SLC26A11: variants seen among roughly 807,000 people sequenced by gnomAD.
The protein encoded by SLC26A11 is solute carrier family 26 member 11.
SLC26A11 carries 58 observed loss-of-function variants against 62.2 expected under a neutral mutation model. That is an observed-to-expected ratio of 0.93 (90% CI 0.76 to 1.16). The LOEUF is 1.16. Among genes scored for constraint, SLC26A11 ranks in the 50% most tolerant of loss-of-function variants. The pLI, the probability that SLC26A11 is intolerant of heterozygous loss-of-function variation, is 0.00. For missense variants in SLC26A11, 790 were observed against 794.3 expected, an observed-to-expected ratio of 0.99 and a Z score of 0.06; for synonymous variants, 411 against 368.9, an observed-to-expected ratio of 1.11 and a Z score of -1.31.
intron 7 of SLC26A11, among the ~76,000 whole-genome samples, chr17:80,229,464 C>T (rs1347953250): frequency 6.6e-6 from 1 of 151,862 alleles, no homozygotes. Context: ...CGGTGTCTCA[C>T]TCTGTTGCCC....
chr17:80,243,693 G>A (rs754555477), intron 10 of SLC26A11, among the ~76,000 whole-genome samples: 1 of 152,136 alleles, frequency 6.6e-6, no homozygotes, highest in Non-Finnish European at 1.5e-5. Flanking sequence ...CACAGCCCCT[G>A]GCCCTATTCC....
At chr17:80,233,434 C>A (rs974917338) in intron 7 of SLC26A11, among the ~76,000 whole-genome samples, 1 of 152,128 alleles carries the variant, frequency 6.6e-6, no homozygotes, top group Admixed American at 6.5e-5. Flanking sequence ...CCTGCAGGAA[C>A]AGTCTTAGAT....
intron 5 of SLC26A11, among the ~76,000 whole-genome samples, chr17:80,224,327 A>G (rs1323081007): frequency 1.2e-4 from 15 of 126,910 alleles, no homozygotes; most frequent in South Asian, 7.7e-4. Context: ...GTGAGTGTGT[A>G]TGAGTGAGAG....
rs1050630058 is a variant in SLC26A11 at position 80,220,995 on chromosome 17, C to CG, written c.-134_-133insG. ...TGGCCTCAGGAGCGGAGGACCCCCCCACTCTCCCTCGAGCGCCGCAGTCCA... is the reference window on the plus strand; with the variant it reads ...TGGCCTCAGGAGCGGAGGACCCCCCCGACTCTCCCTCGAGCGCCGCAGTCCA... On this transcript the variant is annotated 5_prime_UTR_variant, in exon 2 of 18. Coordinates refer to ENST00000361193, the MANE Select transcript of SLC26A11 (RefSeq NM_001166347.2). 6.5e-6 allele frequency: 1 copy of CG among 152,858 alleles called. No individual in the cohort carries two copies. Among genetic ancestry groups the CG allele is most frequent in the Non-Finnish European group, 1.5e-5 (1 of 68,552 alleles). The allele number at this position is 152,858 out of a possible 1,614,324, so 9.5% of individuals were successfully genotyped here.
At chr17:80,244,235 G>C (rs999651559) in intron 10 of SLC26A11, among the ~76,000 whole-genome samples, 8 of 152,222 alleles carry the variant, frequency 5.3e-5, no homozygotes, top group African/African-American at 1.9e-4. Context: ...GTCAACCTGA[G>C]CAGTGATCCC....
intron 7 of SLC26A11, among the ~76,000 whole-genome samples, chr17:80,233,898 T>C (rs912515102): frequency 3.3e-5 from 5 of 152,188 alleles, no homozygotes; most frequent in African/African-American, 9.6e-5. Context: ...TTTCGACTTT[T>C]GTATGTCTGA....
Position 80,247,318 on chromosome 17 carries a change from C to T in SLC26A11, c.1294+669C>T, listed in dbSNP as rs189064597. Reference sequence around the variant, plus strand: ...TTCCCCCCTTTCTATTCCACAAAACCGCCATTGTCATCATGGCGCGTTCTC... The same window carrying T: ...TTCCCCCCTTTCTATTCCACAAAACTGCCATTGTCATCATGGCGCGTTCTC... On this transcript the variant is annotated intron_variant, in intron 13 of 17. Transcript: ENST00000361193. Among the ~76,000 whole-genome samples, 481 of 152,220 alleles carry T rather than the reference C, an allele frequency of 3.2e-3. 2 individuals carry two copies. The highest frequency in any genetic ancestry group is 5.6e-3 in the Non-Finnish European group (384 of 68,022).
At chr17:80,240,133 C>T (rs572801406) in intron 9 of SLC26A11, among the ~76,000 whole-genome samples, 3 of 152,168 alleles carry the variant, frequency 2.0e-5, no homozygotes, top group South Asian at 2.1e-4. Flanking sequence ...TTTGGGAGGC[C>T]GAGGCGGGTG....
intron 5 of SLC26A11, among the ~76,000 whole-genome samples, chr17:80,225,185 G>A (rs927560773): frequency 2.8e-5 from 4 of 143,302 alleles, no homozygotes; most frequent in African/African-American, 1.0e-4. Flanking sequence ...CCAACCCCCC[G>A]CCGCTCTCTA....
chr17:80,230,749 A>G (rs2042543359), intron 7 of SLC26A11, among the ~76,000 whole-genome samples: 1 of 152,220 alleles, frequency 6.6e-6, no homozygotes. Flanking sequence ...AGAAACATTT[A>G]CAGTGTAGGG....
At position 80,252,845 on chromosome 17, in the gene SLC26A11, G is replaced by A. The variant is rs2043187601; in HGVS notation, c.*129G>A. 1.3e-6 allele frequency: 1 copy of A among 749,894 alleles called. No individual in the cohort carries two copies. Among genetic ancestry groups the A allele is most frequent in the Admixed American group, 2.9e-5 (1 of 34,914 alleles). The allele number at this position is 749,894 out of a possible 1,614,324, so 46.5% of individuals were successfully genotyped here. A position where few individuals can be genotyped will look rare whatever the true frequency, so the allele number is the denominator to read the frequency against. On this transcript the variant is annotated 3_prime_UTR_variant, in exon 18 of 18. Transcript: ENST00000361193. This position sits in a 1 kb window ranked among gnomAD's most constrained non-coding sequence, Gnocchi z 5.2. ...AGAAACCCCTGAGCAGGTAACCCAGGGAAGAGAAGGAAGCCAGGCCTGGAG... is the reference window on the plus strand; with the variant it reads ...AGAAACCCCTGAGCAGGTAACCCAGAGAAGAGAAGGAAGCCAGGCCTGGAG...
chr17:80,248,734 C>T (rs79344544), intron 15 of SLC26A11, 60 bp downstream of exon 15: 54,951 of 1,480,856 alleles, frequency 0.037, 1,406 homozygotes, highest in African/African-American at 0.13. Flanking sequence ...CCCCCCACTC[C>T]CTGCTGTTCA....
rs11871932 is a variant in SLC26A11 at position 80,248,265 on chromosome 17, T to G, written c.1422+8T>G. ...GCCAGGCCTGAGACCAAGGTACCCC[T>G]CCGTGGCCTCTGAGTGGGGAGTGTG... On this transcript the variant is annotated splice_region_variant and intron_variant, in intron 14 of 17. Transcript: ENST00000361193. The G allele has an allele frequency of 0.1, 164,190 of 1,604,680 alleles. 10,227 individuals are homozygous for G. The highest frequency in any genetic ancestry group is 0.28 in the African/African-American group (21,256 of 74,876).
intron 5 of SLC26A11, 101 bp from the exon 6 acceptor site, chr17:80,225,736 G>A (rs2042389483): frequency 9.6e-7 from 1 of 1,047,076 alleles, no homozygotes; most frequent in East Asian, 2.4e-5. Context: ...GCAGGGCCGG[G>A]GGACACTGTC....
Position 80,223,314 on chromosome 17 carries a change from A to G in SLC26A11, c.490A>G (p.Thr164Ala), listed in dbSNP as rs575009277. 1.1e-5 allele frequency: 18 copies of G among 1,614,136 alleles called. No homozygotes were observed. In the East Asian group the frequency reaches 3.8e-4, roughly 34 times the overall value. The change falls in exon 5 of 18, where the codon ACC becomes GCC. Residue 164 changes from threonine to alanine, a missense_variant. Transcript: ENST00000361193. This position sits in a 1 kb window ranked among gnomAD's most constrained non-coding sequence, Gnocchi z 4.6. ...IKGFTSAAAV[T>A]IGFGQIKNLL... ...AGGCTTCACCTCTGCTGCTGCCGTC[A>G]CCATCGGCTTTGGACAGATCAAGGT...
At position 80,246,729 on chromosome 17, in the gene SLC26A11, C is replaced by T; in HGVS notation, c.1294+80C>T. On this transcript the variant is annotated intron_variant, in intron 13 of 17. Coordinates refer to ENST00000361193, the MANE Select transcript of SLC26A11 (RefSeq NM_001166347.2). The surrounding 1 kb of genome is among the most constrained non-coding windows in gnomAD (Gnocchi z 4.4). ...GGTGTCATTTATGCTACCCCATTTT[C>T]CTGCAGCCCCCTCTGTGGGGCTGGG... The T allele has an allele frequency of 6.6e-7, 1 of 1,519,886 alleles. No homozygotes were observed. Among genetic ancestry groups the T allele is most frequent in the Non-Finnish European group, 8.9e-7 (1 of 1,129,302 alleles). The allele number at this position is 1,519,886 out of a possible 1,614,324, so 94.1% of individuals were successfully genotyped here. A position where few individuals can be genotyped will look rare whatever the true frequency, so the allele number is the denominator to read the frequency against.
At chr17:80,220,625 G>T in intron 1 of SLC26A11, 129 bp downstream of exon 1, 1 of 298,464 alleles carries the variant, frequency 3.4e-6, no homozygotes, top group African/African-American at 2.2e-5. Context: ...GCCTCCCGTG[G>T]GGACCACTCC....
At chr17:80,221,912 T>C (rs2042216915) in intron 3 of SLC26A11, 118 bp downstream of exon 3, 1 of 1,071,342 alleles carries the variant, frequency 9.3e-7, no homozygotes, top group Non-Finnish European at 1.3e-6. Flanking sequence ...AAGGAACCTT[T>C]GGTTTACAGT....
At chr17:80,244,974 C>CA (rs34294039) in intron 10 of SLC26A11, among the ~76,000 whole-genome samples, 18,414 of 66,978 alleles carry the variant, frequency 0.27, 2,429 homozygotes, top group East Asian at 0.33. Context: ...GACTCTGTCT[C>CA]AAAAAAAAAA....
Sources: gnomAD v4.1 joint callset for allele counts (sites outside exome capture counted in the v4.1 genomes callset) on GRCh38, gnomAD v4.1.1 for gene constraint, Gnocchi (gnomAD v3.1) non-coding constraint, MANE v1.5 for transcripts, NCBI Gene and HGNC (gene_info 2026-07-23, HGNC 2026-07-21) for gene names.